The following ZNF521 variants were observed in gnomAD, a reference collection of about 807,000 sequenced individuals.
ZNF521 encodes LYST-interacting protein 3.
A neutral mutation model predicts 105.5 loss-of-function variants in ZNF521; 14 were observed. That is an observed-to-expected ratio of 0.13 (90% confidence interval 0.09 to 0.21). The LOEUF (loss-of-function observed/expected upper bound fraction) is 0.21, where lower values mean the gene tolerates loss of function less well. Among genes scored for constraint, ZNF521 ranks in the 10% least tolerant of loss-of-function variants. The probability of loss-of-function intolerance (pLI) is 1.00; values close to 1 mark genes in which losing one functional copy is unlikely to be tolerated. For missense variants in ZNF521, 1,233 were observed against 1,629.7 expected, an observed-to-expected ratio of 0.76 and a Z score of 4.19; for synonymous variants, 635 against 606.0, an observed-to-expected ratio of 1.05 and a Z score of -0.70.
chr18:25,089,343 T>A, intron 7 of ZNF521, 122 bp downstream of exon 7: 1 of 737,098 alleles, frequency 1.4e-6, no homozygotes, highest in Non-Finnish European at 2.2e-6. Context: ...TTGCCCCCAA[T>A]ACACACAAAG....
chr18:25,088,508 C>T (rs1431743685), intron 7 of ZNF521, among the ~76,000 whole-genome samples: 6 of 151,958 alleles, frequency 3.9e-5, no homozygotes, highest in Admixed American at 2.0e-4. Flanking sequence ...TGTGAGCCAC[C>T]GTGCCCGGCC....
chr18:25,229,831 T>A (rs1463957308), intron 3 of ZNF521, among the ~76,000 whole-genome samples: 1 of 152,212 alleles, frequency 6.6e-6, no homozygotes, highest in Non-Finnish European at 1.5e-5. Flanking sequence ...TTGTAATGCA[T>A]CCAGCCTAGA....
intron 5 of ZNF521, among the ~76,000 whole-genome samples, chr18:25,159,779 A>G (rs907526349): frequency 2.6e-5 from 4 of 152,200 alleles, no homozygotes; most frequent in African/African-American, 4.8e-5. Flanking sequence ...CTCACTAAGA[A>G]AGACTCAGGA....
rs1376787941 is a variant in ZNF521, at chr18:25,268,638, G to T, written c.221-40941C>A. The stretch of plus-strand genomic sequence containing the variant: ...GGGGCCAATATTCAACATTCTTAAA[G>T]AAAAGAACTTACAATCCAGAATTTC... On this transcript the variant is annotated intron_variant, in intron 3 of 7. Coordinates refer to ENST00000361524, the MANE Select transcript of ZNF521 (RefSeq NM_015461.3). Among the ~76,000 whole-genome samples, 3 of 152,286 alleles carry T rather than the reference G, an allele frequency of 2.0e-5. No homozygotes were observed. The East Asian group carries it at 5.8e-4, about 29-fold the overall frequency.
chr18:25,235,592 A>T lies in ZNF521; in HGVS notation c.221-7895T>A, dbSNP rs1906834341. Among the ~76,000 whole-genome samples, 3 of 152,242 alleles carry T rather than the reference A, an allele frequency of 2.0e-5. No individual in the cohort carries two copies. The South Asian group carries it at 6.2e-4, about 31-fold the overall frequency. Reference sequence around the variant, plus strand: ...GTTTTGTCTTGTTAAACTAGACTTTACTGACTATTTTTCCAACATGTAGGC... The same window carrying T: ...GTTTTGTCTTGTTAAACTAGACTTTTCTGACTATTTTTCCAACATGTAGGC... On this transcript the variant is annotated intron_variant, in intron 3 of 7. Transcript: ENST00000361524.
chr18:25,237,749 CT>C (rs1312991483), intron 3 of ZNF521, among the ~76,000 whole-genome samples: 1 of 152,178 alleles, frequency 6.6e-6, no homozygotes, highest in Non-Finnish European at 1.5e-5. Flanking sequence ...ACAAAGCTTC[CT>C]CCCACATCTG....
intron 7 of ZNF521, among the ~76,000 whole-genome samples, chr18:25,074,233 G>A (rs1169100534): frequency 6.6e-6 from 1 of 152,190 alleles, no homozygotes; most frequent in African/African-American, 2.4e-5. Context: ...TCTCTCTGGG[G>A]ACTTATTCCT....
intron 3 of ZNF521, among the ~76,000 whole-genome samples, chr18:25,306,414 C>T (rs1015271841): frequency 5.3e-5 from 8 of 151,992 alleles, no homozygotes; most frequent in Admixed American, 5.2e-4. Context: ...GTGGGCATAA[C>T]CAGTAATTCC....
chr18:25,324,586 G>A (rs945619080), intron 2 of ZNF521, among the ~76,000 whole-genome samples: 1 of 152,148 alleles, frequency 6.6e-6, no homozygotes, highest in African/African-American at 2.4e-5. Flanking sequence ...TGGTTGTTTA[G>A]CATGAGTTTC....
chr18:25,270,159 AT>A (rs1555655863), intron 3 of ZNF521, among the ~76,000 whole-genome samples: 1 of 152,232 alleles, frequency 6.6e-6, no homozygotes, highest in Non-Finnish European at 1.5e-5. Flanking sequence ...AAACATCTCT[AT>A]GCAAATAAAC....
At chr18:25,121,560 T>TA (rs1423975850) in intron 5 of ZNF521, among the ~76,000 whole-genome samples, 1 of 151,860 alleles carries the variant, frequency 6.6e-6, no homozygotes, top group Non-Finnish European at 1.5e-5. Context: ...CAGAAAGTCT[T>TA]AAAAAAGTGT....
intron 3 of ZNF521, among the ~76,000 whole-genome samples, chr18:25,306,373 T>A (rs1911974749): frequency 6.6e-6 from 1 of 152,218 alleles, no homozygotes. Flanking sequence ...AAATTAAATT[T>A]GTCTGGTAAT....
At chr18:25,307,195 G>C (rs940125388) in intron 3 of ZNF521, among the ~76,000 whole-genome samples, 1 of 152,118 alleles carries the variant, frequency 6.6e-6, no homozygotes, top group Non-Finnish European at 1.5e-5. Flanking sequence ...AATTGCAAGA[G>C]CTTCCTATCT....
chr18:25,304,913 G>A (rs1331059785), intron 3 of ZNF521, among the ~76,000 whole-genome samples: 1 of 152,180 alleles, frequency 6.6e-6, no homozygotes, highest in Non-Finnish European at 1.5e-5. Context: ...CAGTAAGATT[G>A]TAGGCAATAG....
chr18:25,210,291 T>C lies in ZNF521; in HGVS notation c.3573+14054A>G, dbSNP rs528418989. Among the ~76,000 whole-genome samples, 10 of 152,300 alleles carry C rather than the reference T, an allele frequency of 6.6e-5. No homozygotes were observed. The South Asian group carries it at 2.1e-3, about 32-fold the overall frequency. On this transcript the variant is annotated intron_variant, in intron 4 of 7. Coordinates refer to ENST00000361524, the MANE Select transcript of ZNF521 (RefSeq NM_015461.3). ...TTAGGAAGGACTGGCTGAGATCACATAGATGACCCTGTCAACTGTTACATG... is the reference window on the plus strand; with the variant it reads ...TTAGGAAGGACTGGCTGAGATCACACAGATGACCCTGTCAACTGTTACATG...
chr18:25,211,256 C>A lies in ZNF521; in HGVS notation c.3573+13089G>T, dbSNP rs548612573. 7.2e-5 allele frequency among the ~76,000 whole-genome samples: 11 copies of A among 152,150 alleles called. No individual in the cohort carries two copies. In the East Asian group the frequency reaches 2.1e-3, roughly 29 times the overall value. On this transcript the variant is annotated intron_variant, in intron 4 of 7. Transcript: ENST00000361524. Reference sequence around the variant, plus strand: ...AAATTTTAGAATATCATTTTGTATTCATTCTTCTATTTATGGTGAATGATA... The same window carrying A: ...AAATTTTAGAATATCATTTTGTATTAATTCTTCTATTTATGGTGAATGATA...
chr18:25,086,640 C>T (rs566592156), intron 7 of ZNF521, among the ~76,000 whole-genome samples: 77 of 152,242 alleles, frequency 5.1e-4, no homozygotes, highest in Non-Finnish European at 1.0e-3. Context: ...ACCATAAATA[C>T]TGTTCTTATC....
chr18:25,335,757 G>A (rs1475802772), intron 2 of ZNF521, among the ~76,000 whole-genome samples: 2 of 152,200 alleles, frequency 1.3e-5, no homozygotes, highest in Non-Finnish European at 2.9e-5. Flanking sequence ...GGTATAGAAA[G>A]ACAACTTTAT....
chr18:25,341,666 C>T (rs934012958), intron 2 of ZNF521, among the ~76,000 whole-genome samples: 2 of 152,174 alleles, frequency 1.3e-5, no homozygotes, highest in African/African-American at 2.4e-5. Context: ...ATCAAACTTT[C>T]GGTGCCAAAA....
Sources: allele counts gnomAD v4.1 joint callset (sites outside exome capture counted in the v4.1 genomes callset), GRCh38; gene constraint gnomAD v4.1.1; transcripts MANE v1.5; gene names NCBI Gene and HGNC (gene_info 2026-07-23, HGNC 2026-07-21).